CSMD1: variants seen among roughly 807,000 people sequenced by gnomAD.
The protein encoded by CSMD1 is CUB and Sushi multiple domains 1.
CSMD1 carries 213 observed loss-of-function variants against 417.5 expected under a neutral mutation model. That is an observed-to-expected ratio of 0.51 (90% CI 0.46 to 0.57). The LOEUF (loss-of-function observed/expected upper bound fraction) is 0.57. CSMD1 is among the 20% of genes least tolerant of loss of function. The probability of loss-of-function intolerance (pLI) is 0.00; values close to 1 mark genes in which losing one functional copy is unlikely to be tolerated. For missense variants in CSMD1, 6,923 were observed against 4,529.7 expected (o/e 1.53, Z -15.17); for synonymous variants, 2,862 against 1,736.8 (o/e 1.65, Z -16.11).
intron 6 of CSMD1, among the ~76,000 whole-genome samples, chr8:3,720,649 AC>A: frequency 6.6e-6 from 1 of 151,896 alleles, no homozygotes; most frequent in East Asian, 1.9e-4. Context: ...ACACACACAC[AC>A]ACACACCAGC....
intron 49 of CSMD1, among the ~76,000 whole-genome samples, chr8:3,056,867 A>G (rs1039820386): frequency 4.6e-5 from 7 of 152,022 alleles, no homozygotes; most frequent in Admixed American, 2.6e-4. Context: ...ATATATGTAC[A>G]CATATAAATG....
intron 3 of CSMD1, among the ~76,000 whole-genome samples, chr8:4,407,806 A>C (rs1216874785): frequency 6.6e-6 from 1 of 152,234 alleles, no homozygotes; most frequent in Non-Finnish European, 1.5e-5. Context: ...ATTGTGGCAT[A>C]TGAGAAGGTT....
chr8:3,527,295 A>T (rs1323639853), intron 10 of CSMD1, among the ~76,000 whole-genome samples: 1 of 152,222 alleles, frequency 6.6e-6, no homozygotes, highest in Admixed American at 6.5e-5. Context: ...AGCTAATCTG[A>T]CATCATATTC....
intron 1 of CSMD1, among the ~76,000 whole-genome samples, chr8:4,814,315 A>G (rs1799079710): frequency 6.6e-6 from 1 of 152,122 alleles, no homozygotes; most frequent in Non-Finnish European, 1.5e-5. Context: ...GCACAAACTC[A>G]GTTCACTGCA....
intron 11 of CSMD1, among the ~76,000 whole-genome samples, chr8:3,483,473 T>C (rs1019014730): frequency 6.6e-6 from 1 of 152,044 alleles, no homozygotes; most frequent in Non-Finnish European, 1.5e-5. Flanking sequence ...ATTATAGAAA[T>C]TAATGGTATA....
At chr8:4,171,545 C>T (rs1797764408) in intron 3 of CSMD1, among the ~76,000 whole-genome samples, 1 of 151,856 alleles carries the variant, frequency 6.6e-6, no homozygotes, top group East Asian at 1.9e-4. Context: ...AACAAATGTA[C>T]AATAACTACT....
chr8:4,316,557 A>T (rs1258661139), intron 3 of CSMD1, among the ~76,000 whole-genome samples: 1 of 152,130 alleles, frequency 6.6e-6, no homozygotes, highest in Non-Finnish European at 1.5e-5. Context: ...ATATATAATT[A>T]ATAACTTTCC....
At chr8:3,710,949 G>C (rs1455579498) in intron 6 of CSMD1, among the ~76,000 whole-genome samples, 1 of 152,154 alleles carries the variant, frequency 6.6e-6, no homozygotes, top group Non-Finnish European at 1.5e-5. Context: ...AGGAGGGTGA[G>C]ATCCCGAAGC....
chr8:4,912,346 A>G (rs1382398391), intron 1 of CSMD1, among the ~76,000 whole-genome samples: 1 of 113,710 alleles, frequency 8.8e-6, no homozygotes, highest in Non-Finnish European at 1.8e-5. Flanking sequence ...TTACATTAAG[A>G]AATCATTTTC....
chr8:4,938,849 G>T (rs552144283), intron 1 of CSMD1, among the ~76,000 whole-genome samples: 1 of 152,150 alleles, frequency 6.6e-6, no homozygotes, highest in Non-Finnish European at 1.5e-5. Context: ...CAGGTGTAAC[G>T]TGATGTTACT....
At chr8:4,195,113 G>T (rs1799255252) in intron 3 of CSMD1, among the ~76,000 whole-genome samples, 1 of 152,156 alleles carries the variant, frequency 6.6e-6, no homozygotes, top group Non-Finnish European at 1.5e-5. Context: ...GAAACCAGAT[G>T]AAACATTTTA....
chr8:3,201,840 T>C (rs1797008152), intron 31 of CSMD1, 115 bp from the exon 32 acceptor site: 2 of 363,224 alleles, frequency 5.5e-6, no homozygotes, highest in Non-Finnish European at 9.1e-6. Flanking sequence ...CCTAAGAATT[T>C]GGTAAAAAAA....
chr8:4,582,503 G>C (rs981279224), intron 2 of CSMD1, among the ~76,000 whole-genome samples: 3 of 152,170 alleles, frequency 2.0e-5, no homozygotes, highest in Non-Finnish European at 4.4e-5. Context: ...GCAGGAAATG[G>C]AGAAACTAAG....
At chr8:4,917,653 A>C (rs1037121508) in intron 1 of CSMD1, among the ~76,000 whole-genome samples, 1 of 152,004 alleles carries the variant, frequency 6.6e-6, no homozygotes, top group Non-Finnish European at 1.5e-5. Flanking sequence ...AAATAAATGA[A>C]ATAAAATAAA....
intron 1 of CSMD1, among the ~76,000 whole-genome samples, chr8:4,828,170 C>T (rs991972885): frequency 1.3e-5 from 2 of 152,132 alleles, no homozygotes; most frequent in African/African-American, 4.8e-5. Context: ...CCCACAAATA[C>T]AGAGCTCATT....
chr8:3,002,476 A>C (rs1156707053), intron 52 of CSMD1, among the ~76,000 whole-genome samples: 3 of 152,140 alleles, frequency 2.0e-5, no homozygotes, highest in Non-Finnish European at 4.4e-5. Flanking sequence ...CACACAAGAA[A>C]ATGACACCAG....
chr8:4,595,469 T>A (rs963999781), intron 2 of CSMD1, among the ~76,000 whole-genome samples: 1 of 151,932 alleles, frequency 6.6e-6, no homozygotes, highest in Non-Finnish European at 1.5e-5. Flanking sequence ...TCTGGTTCTG[T>A]GGCTTCCTTT....
At chr8:4,426,376 A>T (rs1797555734) in intron 2 of CSMD1, among the ~76,000 whole-genome samples, 1 of 149,970 alleles carries the variant, frequency 6.7e-6, no homozygotes, top group South Asian at 2.1e-4. Context: ...TATATTTTGT[A>T]TGTAGTATAT....
chr8:3,315,756 C>A (rs944607590), intron 23 of CSMD1, among the ~76,000 whole-genome samples: 3 of 152,132 alleles, frequency 2.0e-5, no homozygotes, highest in Non-Finnish European at 4.4e-5. Context: ...GAATGAAAAT[C>A]AGATAGCCAA....
Sources: gnomAD v4.1 joint callset for allele counts (sites outside exome capture counted in the v4.1 genomes callset) on GRCh38, gnomAD v4.1.1 for gene constraint, MANE v1.5 for transcripts, NCBI Gene and HGNC (gene_info 2026-07-23, HGNC 2026-07-21) for gene names.